Variants in RBFOX3 observed in about 807,000 individuals in gnomAD.
RBFOX3 encodes RNA binding protein fox-1 homolog 3.
Under a neutral mutation model 48.7 loss-of-function variants are expected in RBFOX3, and 17 were observed. That is an observed-to-expected ratio of 0.35 (90% CI 0.24 to 0.52). RBFOX3 has a LOEUF of 0.52. RBFOX3 is among the 20% of genes least tolerant of loss of function. RBFOX3 has a pLI of 0.94. For synonymous variants in RBFOX3, 212 were observed against 209.5 expected (o/e 1.01, Z -0.10); for missense variants, 382 against 497.5 (o/e 0.77, Z 2.21).
chr17:79,126,304 G>A (rs77519096), intron 4 of RBFOX3, among the ~76,000 whole-genome samples: 4,308 of 152,294 alleles, frequency 0.028, 200 homozygotes, highest in African/African-American at 0.096. Context: ...GTCTGGGGTG[G>A]GGGCCAGAGC....
At chr17:79,462,356 T>A (rs903673267) in intron 2 of RBFOX3, among the ~76,000 whole-genome samples, 8 of 152,206 alleles carry the variant, frequency 5.3e-5, no homozygotes, top group African/African-American at 1.4e-4. Flanking sequence ...AGATTTCTCT[T>A]CTGTAGGGTG....
At chr17:79,174,266 ACACTCACATG>A (rs997643725) in intron 4 of RBFOX3, among the ~76,000 whole-genome samples, 7 of 152,188 alleles carry the variant, frequency 4.6e-5, no homozygotes, top group South Asian at 2.1e-4. Flanking sequence ...CACACAATGC[ACACTCACATG>A]CACTCACATA....
intron 2 of RBFOX3, among the ~76,000 whole-genome samples, chr17:79,372,208 A>T (rs1342287494): frequency 1.3e-5 from 2 of 151,622 alleles, no homozygotes; most frequent in African/African-American, 4.9e-5. Context: ...TGCCCGCAGG[A>T]CTCTGTCAGC....
chr17:79,101,525 C>G, intron 9 of RBFOX3, 59 bp downstream of exon 9: 1 of 1,449,412 alleles, frequency 6.9e-7, no homozygotes, highest in Non-Finnish European at 9.5e-7. Flanking sequence ...TCAGCTCCCC[C>G]AGGGCCTCTG....
chr17:79,536,323 C>T (rs782083161), intron 1 of RBFOX3, among the ~76,000 whole-genome samples: 89 of 152,354 alleles, frequency 5.8e-4, no homozygotes, highest in Non-Finnish European at 1.6e-4. Context: ...CCACCTGCCT[C>T]GGCCTCCCAA....
the RBFOX3 span, among the ~76,000 whole-genome samples, chr17:79,622,450 C>T: frequency 6.6e-6 from 1 of 152,184 alleles, no homozygotes; most frequent in Admixed American, 6.5e-5. Flanking sequence ...ACCACCACTG[C>T]TCTCCCTCCC....
At chr17:79,318,842 G>A (rs1161597756) in intron 2 of RBFOX3, among the ~76,000 whole-genome samples, 5 of 72,624 alleles carry the variant, frequency 6.9e-5, no homozygotes, top group South Asian at 4.3e-4. Flanking sequence ...GTGACAGAGC[G>A]AGACTCCATC....
At chr17:79,193,352 A>T (rs1437633786) in intron 4 of RBFOX3, among the ~76,000 whole-genome samples, 1 of 152,194 alleles carries the variant, frequency 6.6e-6, no homozygotes, top group African/African-American at 2.4e-5. Context: ...ATCTTCCCGG[A>T]TCAGACTCTG....
At chr17:79,469,300 G>A (rs62062817) in intron 2 of RBFOX3, among the ~76,000 whole-genome samples, 5,339 of 152,306 alleles carry the variant, frequency 0.035, 131 homozygotes, top group South Asian at 0.062. Flanking sequence ...TGCTGGGCGG[G>A]CTCAAGTCCA....
intron 2 of RBFOX3, among the ~76,000 whole-genome samples, chr17:79,406,190 T>A (rs951289002): frequency 2.6e-5 from 4 of 152,200 alleles, no homozygotes; most frequent in African/African-American, 9.7e-5. Flanking sequence ...TTTGAGAGAT[T>A]ATTTTCTCAT....
chr17:79,282,820 GC>G (rs1350611390), intron 3 of RBFOX3, among the ~76,000 whole-genome samples: 43 of 152,390 alleles, frequency 2.8e-4, no homozygotes, highest in African/African-American at 8.7e-4. Flanking sequence ...CCAGTTCCTG[GC>G]CTGATGGAGG....
the RBFOX3 span, among the ~76,000 whole-genome samples, chr17:79,647,709 C>T: frequency 6.6e-6 from 1 of 152,204 alleles, no homozygotes; most frequent in African/African-American, 2.4e-5. Flanking sequence ...GGTCATGGCA[C>T]AGCGCATGAC....
At chr17:79,581,973 C>T (rs904130519) in intron 1 of RBFOX3, among the ~76,000 whole-genome samples, 40 of 148,288 alleles carry the variant, frequency 2.7e-4, no homozygotes, top group African/African-American at 5.7e-4. Context: ...TGTGCCTGTG[C>T]GTGGCTGTGT....
rs138105937 is a variant in RBFOX3 at position 79,288,576 on chromosome 17, C to T, written c.-74+19148G>A. On this transcript the variant is annotated intron_variant, in intron 3 of 14. Transcript: ENST00000693108. Reference sequence around the variant, plus strand: ...TGATGGGCAGTTTCCGTCCTTACCACGTCTCTCCCCACCTCCTGCATGATC... The same window carrying T: ...TGATGGGCAGTTTCCGTCCTTACCATGTCTCTCCCCACCTCCTGCATGATC... 2.4e-3 allele frequency among the ~76,000 whole-genome samples: 370 copies of T among 152,140 alleles called. 1 individual carries two copies. Among genetic ancestry groups the T allele is most frequent in the Non-Finnish European group, 4.5e-3 (305 of 68,008 alleles).
At position 79,243,897 on chromosome 17, in the gene RBFOX3, T is replaced by C. The variant is rs1363498206; in HGVS notation, c.-73-8092A>G. ...CCCCACTGAGGATGCAGAAATGGCC[T>C]GCGGTCCCAGAGGTAGGGGGCAGGT... is the stretch of plus-strand genomic sequence containing the variant. On this transcript the variant is annotated intron_variant, in intron 3 of 14. Coordinates refer to ENST00000693108, the MANE Select transcript of RBFOX3 (RefSeq NM_001350451.2). The surrounding 1 kb of genome is among the most constrained non-coding windows in gnomAD (Gnocchi z 7.9). Among the ~76,000 whole-genome samples the C allele has an allele frequency of 6.6e-6, 1 of 152,036 alleles. No individual in the cohort carries two copies. The highest frequency in any genetic ancestry group is 6.5e-5 in the Admixed American group (1 of 15,270).
chr17:79,505,371 C>T (rs1418192445), intron 1 of RBFOX3, among the ~76,000 whole-genome samples: 1 of 152,230 alleles, frequency 6.6e-6, no homozygotes, highest in Middle Eastern at 3.4e-3. Flanking sequence ...TGTATAAATA[C>T]CCCAGCTCCC....
At chr17:79,143,383 G>A (rs1198326080) in intron 4 of RBFOX3, among the ~76,000 whole-genome samples, 1 of 148,136 alleles carries the variant, frequency 6.8e-6, no homozygotes, top group African/African-American at 2.5e-5. Context: ...CGGGGGGTGG[G>A]GGGGGGTTCT....
At chr17:79,342,882 C>T (rs1411539045) in intron 2 of RBFOX3, among the ~76,000 whole-genome samples, 1 of 152,074 alleles carries the variant, frequency 6.6e-6, no homozygotes, top group Non-Finnish European at 1.5e-5. Flanking sequence ...TATTCTCATG[C>T]ACTTAAAATG....
chr17:79,203,161 A>C (rs1172160282), intron 4 of RBFOX3, among the ~76,000 whole-genome samples: 1 of 151,204 alleles, frequency 6.6e-6, no homozygotes, highest in Non-Finnish European at 1.5e-5. Flanking sequence ...GTGGGGCCAG[A>C]CATTGCTAAG....
Sources: gnomAD v4.1 joint callset for allele counts (sites outside exome capture counted in the v4.1 genomes callset) on GRCh38, gnomAD v4.1.1 for gene constraint, Gnocchi (gnomAD v3.1) non-coding constraint, MANE v1.5 for transcripts, NCBI Gene and HGNC (gene_info 2026-07-23, HGNC 2026-07-21) for gene names.